The following AUTS2 variants were observed in gnomAD, a reference collection of about 807,000 sequenced individuals.
The protein encoded by AUTS2 is autism susceptibility gene 2 protein.
In AUTS2, 17 loss-of-function variants were observed where a neutral mutation model predicts 112.4. The observed-to-expected ratio is 0.15, with a 90% CI of 0.10 to 0.23. The LOEUF (loss-of-function observed/expected upper bound fraction) is 0.23. Ranked by LOEUF, AUTS2 falls within the 10% of genes least tolerant of loss-of-function variation. The pLI is 1.00. For synonymous variants in AUTS2, 751 were observed against 702.7 expected, an observed-to-expected ratio of 1.07 and a Z score of -1.09; for missense variants, 1,510 against 1,701.6, an observed-to-expected ratio of 0.89 and a Z score of 1.98.
intron 5 of AUTS2, among the ~76,000 whole-genome samples, chr7:70,671,632 T>C (rs1378749270): frequency 6.6e-6 from 1 of 152,054 alleles, no homozygotes; most frequent in Non-Finnish European, 1.5e-5. Context: ...AGTTTCCTCC[T>C]ATCAGCCTGG....
chr7:70,096,079 A>AT (rs1221671323), intron 2 of AUTS2, among the ~76,000 whole-genome samples: 3 of 152,098 alleles, frequency 2.0e-5, no homozygotes, highest in Non-Finnish European at 4.4e-5. Flanking sequence ...GGGAAATGGG[A>AT]TTTGTCAACC....
chr7:70,322,138 T>C (rs1033291273), intron 4 of AUTS2, among the ~76,000 whole-genome samples: 2 of 152,128 alleles, frequency 1.3e-5, no homozygotes, highest in Admixed American at 1.3e-4. Context: ...GCCCTTTATT[T>C]GTATAAACTC....
At chr7:69,600,734 A>G (rs530800419) in intron 1 of AUTS2, among the ~76,000 whole-genome samples, 8 of 152,066 alleles carry the variant, frequency 5.3e-5, no homozygotes, top group Admixed American at 5.2e-4. Context: ...TACATGAGCA[A>G]TTTAGTTAAA....
chr7:69,800,318 G>A lies in AUTS2; in HGVS notation c.310-98968G>A, dbSNP rs531834004. Among the ~76,000 whole-genome samples the A allele has an allele frequency of 2.3e-4, 35 of 152,314 alleles. No individual in the cohort carries two copies. The South Asian group carries it at 3.7e-3, about 16-fold the overall frequency. Reference sequence around the variant, plus strand: ...ATTAAGGTTAAACAAAAAAATCAAGGCAGAATGACTAGAAATTAGGACAGC... The same window carrying A: ...ATTAAGGTTAAACAAAAAAATCAAGACAGAATGACTAGAAATTAGGACAGC... On this transcript the variant is annotated intron_variant, in intron 1 of 18. Transcript: ENST00000342771.
chr7:70,715,138 T>C (rs1345745212), intron 6 of AUTS2, among the ~76,000 whole-genome samples: 1 of 152,232 alleles, frequency 6.6e-6, no homozygotes, highest in Non-Finnish European at 1.5e-5. Context: ...AGGAAAAAAG[T>C]AAATGCTCAA....
intron 6 of AUTS2, among the ~76,000 whole-genome samples, chr7:70,733,149 A>G (rs1283523660): frequency 1.3e-5 from 2 of 152,234 alleles, no homozygotes; most frequent in African/African-American, 4.8e-5. Flanking sequence ...AAGTATATAA[A>G]AAAGTTAGGC....
At chr7:70,633,041 C>T (rs765331721) in intron 5 of AUTS2, among the ~76,000 whole-genome samples, 31 of 152,094 alleles carry the variant, frequency 2.0e-4, no homozygotes, top group Non-Finnish European at 3.8e-4. Flanking sequence ...TCGCATGGGG[C>T]GAGGGCTCTG....
At chr7:70,059,625 G>A (rs993394856) in intron 2 of AUTS2, among the ~76,000 whole-genome samples, 6 of 152,168 alleles carry the variant, frequency 3.9e-5, no homozygotes, top group African/African-American at 1.4e-4. Context: ...TAAAGGATGC[G>A]CTGATTTGGA....
intron 1 of AUTS2, among the ~76,000 whole-genome samples, chr7:69,758,032 A>G (rs144884690): frequency 1.2e-3 from 189 of 152,352 alleles, no homozygotes; most frequent in African/African-American, 4.3e-3. Context: ...GCTTCACAGC[A>G]TAGGCGATCT....
chr7:70,076,017 G>A (rs1184370590), intron 2 of AUTS2, among the ~76,000 whole-genome samples: 1 of 152,170 alleles, frequency 6.6e-6, no homozygotes, highest in Non-Finnish European at 1.5e-5. Context: ...GTAAACAGAT[G>A]GATGTGGATG....
chr7:70,049,299 T>G (rs1801642137), intron 2 of AUTS2, among the ~76,000 whole-genome samples: 1 of 152,158 alleles, frequency 6.6e-6, no homozygotes, highest in South Asian at 2.1e-4. Flanking sequence ...GTATATATCT[T>G]ACTTTTTCCA....
At chr7:70,214,506 A>C (rs1444503772) in intron 4 of AUTS2, among the ~76,000 whole-genome samples, 1 of 152,234 alleles carries the variant, frequency 6.6e-6, no homozygotes, top group East Asian at 1.9e-4. Flanking sequence ...AGTCACACAC[A>C]TACAGATGCC....
intron 4 of AUTS2, among the ~76,000 whole-genome samples, chr7:70,392,207 G>A (rs1355238044): frequency 1.3e-5 from 2 of 152,086 alleles, no homozygotes; most frequent in South Asian, 2.1e-4. Context: ...ATGGTTTCTT[G>A]CCTATCTTTA....
At chr7:69,779,285 T>A (rs1165565948) in intron 1 of AUTS2, among the ~76,000 whole-genome samples, 1 of 152,162 alleles carries the variant, frequency 6.6e-6, no homozygotes, top group African/African-American at 2.4e-5. Flanking sequence ...ACATAGTGTC[T>A]GTGCAGTGAA....
intron 1 of AUTS2, among the ~76,000 whole-genome samples, chr7:69,731,945 G>A (rs10234831): frequency 0.089 from 13,513 of 152,126 alleles, 1,045 homozygotes; most frequent in African/African-American, 0.21. Flanking sequence ...TGAAGATTAC[G>A]TTAAATAATG....
intron 4 of AUTS2, among the ~76,000 whole-genome samples, chr7:70,330,683 G>A (rs1319600022): frequency 2.0e-5 from 3 of 152,226 alleles, no homozygotes; most frequent in African/African-American, 7.2e-5. Context: ...AATTTTGATA[G>A]AGATTGCATT....
chr7:70,052,036 A>G (rs1203667579), intron 2 of AUTS2, among the ~76,000 whole-genome samples: 2 of 152,176 alleles, frequency 1.3e-5, no homozygotes, highest in Non-Finnish European at 2.9e-5. Flanking sequence ...GTACTACAAT[A>G]TATGGTCACA....
intron 2 of AUTS2, among the ~76,000 whole-genome samples, chr7:69,959,640 T>C (rs984950164): frequency 6.6e-6 from 1 of 152,134 alleles, no homozygotes; most frequent in African/African-American, 2.4e-5. Flanking sequence ...AGGAGTCTGT[T>C]TCTTGGAAAA....
chr7:70,432,777 G>T (rs1440889706), intron 4 of AUTS2, among the ~76,000 whole-genome samples: 3 of 152,192 alleles, frequency 2.0e-5, no homozygotes, highest in Admixed American at 6.5e-5. Flanking sequence ...GGCACTCGAG[G>T]CTCCAGAGAG....
Sources: allele counts gnomAD v4.1 joint callset (sites outside exome capture counted in the v4.1 genomes callset), GRCh38; gene constraint gnomAD v4.1.1; transcripts MANE v1.5; gene names NCBI Gene and HGNC (gene_info 2026-07-23, HGNC 2026-07-21).